GABRA3: variants seen among roughly 807,000 people sequenced by gnomAD.
GABRA3 encodes the protein gamma-aminobutyric acid type A receptor subunit alpha3.
GABRA3 carries 10 observed loss-of-function variants against 30.1 expected under a neutral mutation model. That is an observed-to-expected ratio of 0.33 (90% CI 0.20 to 0.56). The LOEUF (loss-of-function observed/expected upper bound fraction) is 0.56, where lower values mean the gene tolerates loss of function less well. GABRA3 is among the 20% of genes least tolerant of loss of function. The pLI is 0.89. For missense variants in GABRA3, 233 were observed against 392.0 expected, an observed-to-expected ratio of 0.59 and a Z score of 3.42; for synonymous variants, 151 against 146.8, an observed-to-expected ratio of 1.03 and a Z score of -0.21.
intron 6 of GABRA3, among the ~76,000 whole-genome samples, chrX:152,214,407 A>C (rs747834751): frequency 9.0e-6 from 1 of 111,305 alleles, no homozygotes; most frequent in South Asian, 3.8e-4. Flanking sequence ...ATACAATTGT[A>C]GGTGTCTTTT....
At chrX:152,326,961 T>C (rs1424283820) in intron 3 of GABRA3, among the ~76,000 whole-genome samples, 1 of 109,222 alleles carries the variant, frequency 9.2e-6, no homozygotes, top group African/African-American at 3.4e-5. Context: ...GGAGACCCAT[T>C]TCACGTGCAG....
chrX:152,275,268 T>TTA (rs1168780593), intron 4 of GABRA3, among the ~76,000 whole-genome samples: 23 of 63,566 alleles, frequency 3.6e-4, no homozygotes, highest in African/African-American at 1.4e-3. Flanking sequence ...TATATATAAA[T>TTA]TATATATATA....
chrX:152,229,848 T>G (rs1938033391), intron 5 of GABRA3, among the ~76,000 whole-genome samples: 1 of 111,189 alleles, frequency 9.0e-6, no homozygotes, highest in Non-Finnish European at 1.9e-5. Context: ...GAGAAAAAGT[T>G]AAAGGAGGTC....
chrX:152,324,176 G>A (rs1438837391), intron 3 of GABRA3, among the ~76,000 whole-genome samples: 1 of 112,180 alleles, frequency 8.9e-6, no homozygotes, highest in Non-Finnish European at 1.9e-5. Context: ...CAAAAAGAAT[G>A]TTCTTACTTT....
chrX:152,224,552 C>A (rs1220296846), intron 6 of GABRA3, among the ~76,000 whole-genome samples: 1 of 111,802 alleles, frequency 8.9e-6, no homozygotes, highest in African/African-American at 3.2e-5. Flanking sequence ...ATAAAGTTTA[C>A]TTCTTAGAAA....
At chrX:152,241,843 A>G (rs1438598002) in intron 5 of GABRA3, among the ~76,000 whole-genome samples, 3 of 111,543 alleles carry the variant, frequency 2.7e-5, no homozygotes, top group East Asian at 5.7e-4. Flanking sequence ...AAGTGAGGCA[A>G]TGCCTCGCCC....
At chrX:152,314,819 C>A (rs1362598395) in intron 3 of GABRA3, among the ~76,000 whole-genome samples, 1 of 112,020 alleles carries the variant, frequency 8.9e-6, no homozygotes, top group Non-Finnish European at 1.9e-5. Flanking sequence ...ATGATTATTT[C>A]TTTAATGTTT....
chrX:152,239,489 T>C (rs1175949051), intron 5 of GABRA3, among the ~76,000 whole-genome samples: 1 of 93,282 alleles, frequency 1.1e-5, no homozygotes, highest in Non-Finnish European at 2.1e-5. Flanking sequence ...GGGTGGAGAG[T>C]TCTGTAGATG....
At chrX:152,441,257 C>A (rs1930923623) in intron 1 of GABRA3, among the ~76,000 whole-genome samples, 1 of 110,867 alleles carries the variant, frequency 9.0e-6, no homozygotes, top group South Asian at 3.8e-4. Flanking sequence ...ATAAATCTGA[C>A]TAAAAAATAA....
intron 5 of GABRA3, among the ~76,000 whole-genome samples, chrX:152,230,229 G>A (rs1301185788): frequency 9.0e-6 from 1 of 111,577 alleles, no homozygotes; most frequent in Non-Finnish European, 1.9e-5. Context: ...AGGATAAATT[G>A]TATGACATGT....
intron 1 of GABRA3, among the ~76,000 whole-genome samples, chrX:152,395,046 G>T (rs946324996): frequency 9.0e-6 from 1 of 110,939 alleles, no homozygotes; most frequent in Non-Finnish European, 1.9e-5. Flanking sequence ...GGTAGATATG[G>T]TATGTAATCA....
intron 6 of GABRA3, among the ~76,000 whole-genome samples, chrX:152,220,699 A>G (rs991150855): frequency 8.9e-6 from 1 of 111,747 alleles, no homozygotes; most frequent in African/African-American, 3.3e-5. Flanking sequence ...GATTTGCTCA[A>G]CATCCTCACC....
At chrX:152,417,328 C>T (rs1159861883) in intron 1 of GABRA3, among the ~76,000 whole-genome samples, 15 of 104,212 alleles carry the variant, frequency 1.4e-4, no homozygotes, top group African/African-American at 5.5e-4. Context: ...CAATGAGATA[C>T]CACCTCACAC....
chrX:152,275,198 A>G (rs1170666090), intron 4 of GABRA3, among the ~76,000 whole-genome samples: 1 of 67,428 alleles, frequency 1.5e-5, no homozygotes, highest in Non-Finnish European at 2.5e-5. Context: ...TATATATATA[A>G]TTTATATATA....
chrX:152,403,167 C>A (rs1929835989), intron 1 of GABRA3, among the ~76,000 whole-genome samples: 1 of 109,547 alleles, frequency 9.1e-6, no homozygotes, highest in Non-Finnish European at 1.9e-5. Flanking sequence ...AAATTTCTGG[C>A]CAATGAATTA....
At chrX:152,374,925 G>A (rs1260134950) in intron 1 of GABRA3, among the ~76,000 whole-genome samples, 5 of 111,159 alleles carry the variant, frequency 4.5e-5, no homozygotes, top group Admixed American at 2.9e-4. Context: ...TTTTTGTCAA[G>A]TTTGTCAAAG....
chrX:152,257,430 C>A (rs757962418), intron 4 of GABRA3, among the ~76,000 whole-genome samples: 1 of 112,594 alleles, frequency 8.9e-6, no homozygotes, highest in Non-Finnish European at 1.9e-5. Flanking sequence ...GCTGAATATT[C>A]TTTGGTTTAA....
In GABRA3 at chrX:152,379,846, T is replaced by C. The variant is rs866891917; in HGVS notation, c.-26-15250A>G. Among the ~76,000 whole-genome samples, 4 of 107,712 alleles carry C rather than the reference T, an allele frequency of 3.7e-5. No homozygotes were observed. The South Asian group carries it at 1.6e-3, about 43-fold the overall frequency. The allele number at this position is 107,712 out of a possible 115,157, so 93.5% of individuals were successfully genotyped here. On this transcript the variant is annotated intron_variant, in intron 1 of 9. Coordinates refer to ENST00000370314, the MANE Select transcript of GABRA3 (RefSeq NM_000808.4). Reference sequence around the variant, plus strand: ...TATACATTTATGGGGTACAATGTGATTTTTTTTTTGAGATGGAGTCTTGCT... The same window carrying C: ...TATACATTTATGGGGTACAATGTGACTTTTTTTTTGAGATGGAGTCTTGCT...
At chrX:152,444,099 G>A (rs1378864909) in intron 1 of GABRA3, among the ~76,000 whole-genome samples, 3 of 110,221 alleles carry the variant, frequency 2.7e-5, no homozygotes, top group Non-Finnish European at 5.7e-5. Flanking sequence ...TCTGTAATGC[G>A]GTTGTTTTAC....
Sources: allele counts gnomAD v4.1 joint callset (sites outside exome capture counted in the v4.1 genomes callset), GRCh38; gene constraint gnomAD v4.1.1; transcripts MANE v1.5; gene names NCBI Gene and HGNC (gene_info 2026-07-23, HGNC 2026-07-21).